The following FAM13B variants were observed in gnomAD, a reference collection of about 807,000 sequenced individuals.
The protein encoded by FAM13B is family with sequence similarity 13 member B, also known as protein FAM13B.
A neutral mutation model predicts 117.3 loss-of-function variants in FAM13B; 60 were observed. The observed-to-expected ratio is 0.51, with a 90% CI of 0.42 to 0.63. The LOEUF (loss-of-function observed/expected upper bound fraction) is 0.63, where lower values mean the gene tolerates loss of function less well. Ranked by LOEUF, FAM13B falls within the 30% of genes least tolerant of loss-of-function variation. FAM13B has a pLI of 0.00. For synonymous variants in FAM13B, 332 were observed against 356.1 expected, an observed-to-expected ratio of 0.93 and a Z score of 0.76; for missense variants, 972 against 1,091.9, an observed-to-expected ratio of 0.89 and a Z score of 1.55.
chr5:137,968,099 A>G (rs56336617), intron 10 of FAM13B, among the ~76,000 whole-genome samples: 20,856 of 151,054 alleles, frequency 0.14, 1,866 homozygotes, highest in Non-Finnish European at 0.2. Flanking sequence ...GCGTGTGCCT[A>G]TAATCCCAGC....
chr5:137,981,521 C>T (rs550018806), intron 10 of FAM13B, among the ~76,000 whole-genome samples: 11 of 152,064 alleles, frequency 7.2e-5, no homozygotes, highest in Non-Finnish European at 1.5e-4. Flanking sequence ...TGCAGTGGCT[C>T]ACGCCTGTAA....
rs747753183 is a variant in FAM13B, at chr5:138,018,983, G to A, written c.129C>T (p.Arg43=). 1 of 1,614,066 alleles carries A rather than the reference G, an allele frequency of 6.2e-7. No homozygotes were observed. Among genetic ancestry groups the A allele is most frequent in the South Asian group, 1.1e-5 (1 of 91,078 alleles). Residue 43 remains arginine, a synonymous_variant, in exon 3 of 24, where the codon CGC becomes CGT. Transcript: ENST00000689681. ...GTTCCTCAATATAGTCCACAACGTG[G>A]CGGACTATGAATGGAACCTCATTGT... The part of the protein sequence containing the change: ...HPDNEVPFIV[R]HVVDYIEEHG...
intron 17 of FAM13B, among the ~76,000 whole-genome samples, chr5:137,951,684 T>G (rs1032643316): frequency 3.9e-5 from 6 of 152,008 alleles, no homozygotes; most frequent in Non-Finnish European, 8.8e-5. Context: ...ATATATTTTT[T>G]TATTTTTATA....
chr5:137,951,233 A>AAAT (rs1457502693), intron 17 of FAM13B, among the ~76,000 whole-genome samples: 5 of 147,026 alleles, frequency 3.4e-5, no homozygotes, highest in Admixed American at 6.8e-5. Flanking sequence ...AAAAAAAAAA[A>AAAT]GGAGAGAGAG....
intron 10 of FAM13B, among the ~76,000 whole-genome samples, chr5:137,966,391 T>G (rs1302829831): frequency 6.8e-6 from 1 of 146,338 alleles, no homozygotes; most frequent in African/African-American, 2.5e-5. Context: ...GAGCCGAGAT[T>G]GCACCACTGC....
At chr5:138,021,253 CTA>C in intron 1 of FAM13B, 56 bp from the exon 2 acceptor site, 1 of 1,180,952 alleles carries the variant, frequency 8.5e-7, no homozygotes. Context: ...TCAGAAGAGA[CTA>C]TTAATAGAAG....
At chr5:137,966,636 T>G (rs578178521) in intron 10 of FAM13B, among the ~76,000 whole-genome samples, 1 of 151,656 alleles carries the variant, frequency 6.6e-6, no homozygotes, top group Non-Finnish European at 1.5e-5. Context: ...ACATAGCATA[T>G]GAAAAACTTA....
chr5:137,968,259 G>GT (rs1166287021), intron 10 of FAM13B, among the ~76,000 whole-genome samples: 2 of 147,444 alleles, frequency 1.4e-5, no homozygotes, highest in East Asian at 4.0e-4. Context: ...AAGTCACAAT[G>GT]TAAGTTTCCA....
chr5:137,988,551 T>C (rs971966471), intron 7 of FAM13B, among the ~76,000 whole-genome samples: 1 of 152,170 alleles, frequency 6.6e-6, no homozygotes, highest in African/African-American at 2.4e-5. Flanking sequence ...AGACCAAAAA[T>C]TTTAAAGTTA....
upstream of FAM13B, chr5:138,033,079 T>TGGCG: frequency 1.1e-6 from 1 of 949,056 alleles, no homozygotes; most frequent in East Asian, 1.4e-4. Flanking sequence ...GGAGAGCGGC[T>TGGCG]GGCGGGCGGA....
chr5:138,036,472 G>A (rs918559397), upstream of FAM13B: 10 of 456,510 alleles, frequency 2.2e-5, no homozygotes, highest in Middle Eastern at 3.2e-4. Context: ...ACAGGCCCAC[G>A]GTGCCCCTCA....
At chr5:137,945,797 T>G (rs1440090751) in intron 20 of FAM13B, 105 bp downstream of exon 20, 1 of 719,210 alleles carries the variant, frequency 1.4e-6, no homozygotes. Context: ...GACAATTATT[T>G]CTGTCTTGGC....
At chr5:138,004,503 CT>C (rs1782064191) in intron 7 of FAM13B, among the ~76,000 whole-genome samples, 1 of 152,244 alleles carries the variant, frequency 6.6e-6, no homozygotes, top group African/African-American at 2.4e-5. Context: ...TATATCTGCA[CT>C]GCCCAACATG....
intron 11 of FAM13B, 50 bp from the exon 12 acceptor site, chr5:137,960,264 A>G: frequency 9.4e-7 from 1 of 1,068,912 alleles, no homozygotes; most frequent in Non-Finnish European, 1.4e-6. Flanking sequence ...AAAGGCTACT[A>G]TCATTATATA....
chr5:138,002,730 A>T lies in FAM13B; in HGVS notation c.848+4260T>A, dbSNP rs1210924080. Reference sequence around the variant, plus strand: ...ACCCAGGCTGGAGTGCAGGGGCGACATCTCGGCTCACTGCAAGCTCTGCCT... The same window carrying T: ...ACCCAGGCTGGAGTGCAGGGGCGACTTCTCGGCTCACTGCAAGCTCTGCCT... On this transcript the variant is annotated intron_variant, in intron 7 of 23. Transcript: ENST00000689681. Among the ~76,000 whole-genome samples, 3 of 139,310 alleles carry T rather than the reference A, an allele frequency of 2.2e-5. 1 individual carries two copies. The highest frequency in any genetic ancestry group is 4.6e-5 in the Non-Finnish European group (3 of 65,926). 91.4% of individuals were successfully genotyped at this position (139,310 alleles called of 152,430 possible).
At chr5:138,009,833 G>A (rs1196245881) in intron 6 of FAM13B, among the ~76,000 whole-genome samples, 1 of 150,132 alleles carries the variant, frequency 6.7e-6, no homozygotes, top group Non-Finnish European at 1.5e-5. Flanking sequence ...GGTTGGGGCA[G>A]GGGTGGGAAT....
At chr5:137,946,486 T>A in intron 18 of FAM13B, 175 bp from the exon 19 acceptor site, 1 of 527,380 alleles carries the variant, frequency 1.9e-6, no homozygotes, top group Non-Finnish European at 3.3e-6. Context: ...GGCAAAATTT[T>A]CAGTCTCCTG....
At chr5:138,048,326 A>G (rs2151132522) in intron 1 of FAM13B, among the ~76,000 whole-genome samples, 1 of 152,348 alleles carries the variant, frequency 6.6e-6, no homozygotes, top group Non-Finnish European at 1.5e-5. Flanking sequence ...GCATATATAC[A>G]TGGTAAAACA....
chr5:137,951,080 T>C (rs951316039), intron 17 of FAM13B, among the ~76,000 whole-genome samples: 1 of 151,764 alleles, frequency 6.6e-6, no homozygotes, highest in Non-Finnish European at 1.5e-5. Flanking sequence ...CATGGTGGCA[T>C]GTGCCTGTAG....
Sources: gnomAD v4.1 joint callset for allele counts (sites outside exome capture counted in the v4.1 genomes callset) on GRCh38, gnomAD v4.1.1 for gene constraint, MANE v1.5 for transcripts, NCBI Gene and HGNC (gene_info 2026-07-23, HGNC 2026-07-21) for gene names.